Variants in ANTXR1 observed in about 807,000 individuals in gnomAD.
The protein encoded by ANTXR1 is ANTXR cell adhesion molecule 1, also known as anthrax toxin receptor 1.
Under a neutral mutation model 78.1 loss-of-function variants are expected in ANTXR1, and 19 were observed. That is an observed-to-expected ratio of 0.24 (90% CI 0.17 to 0.36). The LOEUF (loss-of-function observed/expected upper bound fraction) is 0.36. ANTXR1 is among the 10% of genes least tolerant of loss of function. ANTXR1 has a pLI of 1.00. For synonymous variants in ANTXR1, 273 were observed against 260.5 expected (o/e 1.05, Z -0.46); for missense variants, 518 against 718.6 (o/e 0.72, Z 3.19).
intron 3 of ANTXR1, among the ~76,000 whole-genome samples, chr2:69,062,706 G>A (rs1373345615): frequency 1.3e-5 from 2 of 152,134 alleles, no homozygotes; most frequent in Non-Finnish European, 2.9e-5. Flanking sequence ...GGAAGAAGCA[G>A]AGGAATATTA....
At chr2:69,052,654 C>T (rs1266443875) in intron 3 of ANTXR1, among the ~76,000 whole-genome samples, 2 of 152,082 alleles carry the variant, frequency 1.3e-5, no homozygotes, top group African/African-American at 4.8e-5. Context: ...TATCTGAAGA[C>T]TTAATACACT....
At chr2:69,081,488 T>C (rs1670901129) in intron 8 of ANTXR1, among the ~76,000 whole-genome samples, 1 of 152,242 alleles carries the variant, frequency 6.6e-6, no homozygotes, top group Non-Finnish European at 1.5e-5. Flanking sequence ...TTGTTTTCCA[T>C]TTTAGTTTCT....
At chr2:69,145,547 C>T (rs1204119338) in intron 12 of ANTXR1, 5 of 1,416,308 alleles carry the variant, frequency 3.5e-6, no homozygotes, top group Non-Finnish European at 4.6e-6. Context: ...TCAGGAGGGA[C>T]AGGAAACGTT....
At chr2:69,090,742 G>T in intron 8 of ANTXR1, 117 bp from the exon 9 acceptor site, 2 of 981,402 alleles carry the variant, frequency 2.0e-6, no homozygotes, top group South Asian at 1.3e-5. Context: ...CACCCCCACC[G>T]CAACCAAATG....
chr2:69,074,004 C>T (rs957979566), intron 6 of ANTXR1, among the ~76,000 whole-genome samples: 7 of 152,186 alleles, frequency 4.6e-5, no homozygotes, highest in African/African-American at 1.7e-4. Context: ...AATATATATT[C>T]ATTCATTTAT....
intron 9 of ANTXR1, among the ~76,000 whole-genome samples, chr2:69,099,575 G>A (rs1671544578): frequency 6.6e-6 from 1 of 152,134 alleles, no homozygotes; most frequent in South Asian, 2.1e-4. Flanking sequence ...ATGTATGTGG[G>A]TTATAATTTC....
chr2:69,091,004 G>T, intron 9 of ANTXR1, 85 bp downstream of exon 9: 2 of 1,384,274 alleles, frequency 1.4e-6, no homozygotes, highest in Non-Finnish European at 1.0e-6. Flanking sequence ...TTGTTGGTGG[G>T]GTGGGAAAGA....
intron 9 of ANTXR1, among the ~76,000 whole-genome samples, chr2:69,097,725 C>T (rs1343642215): frequency 3.3e-5 from 5 of 152,336 alleles, no homozygotes; most frequent in African/African-American, 1.2e-4. Flanking sequence ...AGCCATTCCA[C>T]TCCGAGGTTT....
At chr2:69,070,780 C>A in intron 4 of ANTXR1, 52 bp downstream of exon 4, 1 of 1,540,840 alleles carries the variant, frequency 6.5e-7, no homozygotes, top group South Asian at 1.1e-5. Flanking sequence ...ATTGAAATAT[C>A]AACATGGGGT....
intron 17 of ANTXR1, among the ~76,000 whole-genome samples, chr2:69,209,440 A>C (rs1177152927): frequency 6.6e-6 from 1 of 152,234 alleles, no homozygotes; most frequent in Non-Finnish European, 1.5e-5. Context: ...AGGAACTAGC[A>C]TTTATTCTTT....
At chr2:69,223,302 GAATTCTA>G (rs1344528787) in intron 17 of ANTXR1, among the ~76,000 whole-genome samples, 5 of 152,246 alleles carry the variant, frequency 3.3e-5, no homozygotes, top group African/African-American at 1.2e-4. Context: ...CTTTAGAAGA[GAATTCTA>G]AATTCTAAAT....
intron 13 of ANTXR1, among the ~76,000 whole-genome samples, chr2:69,168,473 G>A (rs537054684): frequency 5.3e-5 from 8 of 152,278 alleles, no homozygotes; most frequent in South Asian, 4.1e-4. Flanking sequence ...TCATAGCACC[G>A]TGGAGACAAA....
At chr2:69,177,312 G>A (rs1674149885) in intron 14 of ANTXR1, among the ~76,000 whole-genome samples, 1 of 152,200 alleles carries the variant, frequency 6.6e-6, no homozygotes, top group Non-Finnish European at 1.5e-5. Context: ...CAAAAGCCTG[G>A]CATGATTGGG....
intron 13 of ANTXR1, among the ~76,000 whole-genome samples, chr2:69,168,334 G>T (rs943110135): frequency 6.6e-6 from 1 of 152,154 alleles, no homozygotes. Flanking sequence ...TTTCTGCAAG[G>T]TTCATGTTAT....
chr2:69,135,287 T>C (rs1395472594), intron 12 of ANTXR1: 1 of 160,578 alleles, frequency 6.2e-6, no homozygotes, highest in Non-Finnish European at 1.4e-5. Context: ...TTTCCTTGTT[T>C]TGAGAGTAAA....
intron 17 of ANTXR1, among the ~76,000 whole-genome samples, chr2:69,215,565 TC>T: frequency 6.6e-6 from 1 of 152,244 alleles, no homozygotes; most frequent in Non-Finnish European, 1.5e-5. Context: ...TGATAGGCAC[TC>T]AGTGAATAAT....
chr2:69,114,030 A>C (rs567424428), intron 10 of ANTXR1, among the ~76,000 whole-genome samples: 4 of 152,226 alleles, frequency 2.6e-5, no homozygotes, highest in Non-Finnish European at 5.9e-5. Flanking sequence ...CATTAGCTTC[A>C]TTTCATTTCC....
rs779729532 is a variant in ANTXR1 at position 69,103,038 on chromosome 2, G to A, written c.802+98G>A. 3.3e-5 allele frequency: 40 copies of A among 1,203,306 alleles called. No homozygotes were observed. The South Asian group carries it at 4.0e-4, about 12-fold the overall frequency. The allele number at this position is 1,203,306 out of a possible 1,614,324, so 74.5% of individuals were successfully genotyped here. A position where few individuals can be genotyped will look rare whatever the true frequency, so the allele number is the denominator to read the frequency against. ...CAGCAAGGCCACACACATGAAACCAGCAGAAAAGAGTCTTATTTGCTGGAA... is the reference window on the plus strand; with the variant it reads ...CAGCAAGGCCACACACATGAAACCAACAGAAAAGAGTCTTATTTGCTGGAA... On this transcript the variant is annotated intron_variant, in intron 10 of 17. Transcript: ENST00000303714.
chr2:69,189,243 G>A (rs1455906629), intron 16 of ANTXR1, among the ~76,000 whole-genome samples: 3 of 152,210 alleles, frequency 2.0e-5, no homozygotes, highest in South Asian at 2.1e-4. Context: ...GCCTTGGCCA[G>A]AAGAGCCCAA....
Sources: allele counts gnomAD v4.1 joint callset (sites outside exome capture counted in the v4.1 genomes callset), GRCh38; gene constraint gnomAD v4.1.1; transcripts MANE v1.5; gene names NCBI Gene and HGNC (gene_info 2026-07-23, HGNC 2026-07-21).